Variants in LRRC9 observed in about 807,000 individuals in gnomAD.
LRRC9 encodes leucine-rich repeat-containing protein 9.
In LRRC9, 122 loss-of-function variants were observed where a neutral mutation model predicts 63.2. That is an observed-to-expected ratio of 1.93 (90% CI 1.67 to 2.24). The LOEUF (loss-of-function observed/expected upper bound fraction) is 2.24. LRRC9 is among the 30% of genes most tolerant of loss of function. LRRC9 has a pLI of 0.00. For synonymous variants in LRRC9, 366 were observed against 213.1 expected, an observed-to-expected ratio of 1.72 and a Z score of -6.25; for missense variants, 1,071 against 627.7, an observed-to-expected ratio of 1.71 and a Z score of -7.55.
At chr14:59,998,524 G>A (rs1889032480) in intron 18 of LRRC9, among the ~76,000 whole-genome samples, 1 of 151,930 alleles carries the variant, frequency 6.6e-6, no homozygotes, top group South Asian at 2.1e-4. Context: ...ATAAAGTCAA[G>A]AATCTTCCTT....
chr14:60,065,649 A>AAAAAAC (rs1441366986), downstream of LRRC9, among the ~76,000 whole-genome samples: 1 of 3,324 alleles, frequency 3.0e-4, no homozygotes, highest in Non-Finnish European at 5.9e-4. Flanking sequence ...CTCCCTCTCA[A>AAAAAAC]AAAAAAAAAA....
At chr14:59,931,299 G>A (rs1594808757) in intron 4 of LRRC9, among the ~76,000 whole-genome samples, 1 of 152,056 alleles carries the variant, frequency 6.6e-6, no homozygotes, top group African/African-American at 2.4e-5. Context: ...TTCTTTGAAG[G>A]TTTAAAAATA....
rs1482712721 is a variant in LRRC9 at position 60,003,049 on chromosome 14, A to C, written c.2665-572A>C. 6.6e-6 allele frequency among the ~76,000 whole-genome samples: 1 copy of C among 152,236 alleles called. No homozygotes were observed. Among genetic ancestry groups the C allele is most frequent in the Admixed American group, 6.5e-5 (1 of 15,290 alleles). On this transcript the variant is annotated intron_variant, in intron 20 of 31. Transcript: ENST00000445360. The surrounding 1 kb of genome is among the most constrained non-coding windows in gnomAD (Gnocchi z 4.2). ...CTTGCCAAACATAGAAACTGGGCTA[A>C]GTGAAGCTGCTCCCAGAAAATGGGA...
Position 59,923,687 on chromosome 14 carries a change from T to C in LRRC9, c.-34+3804T>C, listed in dbSNP as rs575847636. 2.6e-5 allele frequency among the ~76,000 whole-genome samples: 4 copies of C among 152,354 alleles called. No homozygotes were observed. The highest frequency in any genetic ancestry group is 9.6e-5 in the African/African-American group (4 of 41,576). On this transcript the variant is annotated intron_variant, in intron 1 of 31. Transcript: ENST00000445360. The surrounding 1 kb of genome is among the most constrained non-coding windows in gnomAD (Gnocchi z 4.2). ...TGGCTCACGCCTGTAGGCTCACGCC[T>C]CCCAGCACTCTGGGAAGCTGAGGTG...
At chr14:60,013,191 G>C (rs1391883847) in intron 23 of LRRC9, among the ~76,000 whole-genome samples, 2 of 146,664 alleles carry the variant, frequency 1.4e-5, no homozygotes, top group Non-Finnish European at 3.0e-5. Context: ...GAACTAGTAA[G>C]ATAGATATAC....
At position 60,006,264 on chromosome 14, in the gene LRRC9, GGTTA is replaced by G. The variant is rs1284848482; in HGVS notation, c.2843-130_2843-127del. The G allele has an allele frequency of 9.1e-6, 5 of 547,508 alleles. No homozygotes were observed. In the East Asian group the frequency reaches 1.5e-4, roughly 16 times the overall value. The allele number at this position is 547,508 out of a possible 1,614,324, so 33.9% of individuals were successfully genotyped here. ...CAAAACAAAGGCTTAAAGCAATGAT[GGTTA>G]GTATTACAGAATCTTTAAAGCCATT... On this transcript the variant is annotated intron_variant, in intron 21 of 31. Coordinates refer to ENST00000445360, the Ensembl canonical transcript of LRRC9.
At chr14:60,050,148 C>T (rs1303554257) in intron 29 of LRRC9, among the ~76,000 whole-genome samples, 1 of 152,042 alleles carries the variant, frequency 6.6e-6, no homozygotes, top group Non-Finnish European at 1.5e-5. Context: ...AGGCACACAC[C>T]ACCACGCCCA....
chr14:60,016,573 T>G, intron 23 of LRRC9, 87 bp from the exon 24 acceptor site: 1 of 583,378 alleles, frequency 1.7e-6, no homozygotes, highest in Non-Finnish European at 3.1e-6. Context: ...GAAAAATGAG[T>G]CCACTGAATT....
exon 8 of LRRC9, chr14:59,944,614 A>G (rs569858296): frequency 6.8e-5 from 43 of 628,022 alleles, no homozygotes; most frequent in African/African-American, 5.8e-4. Context: ...AAAATAATGT[A>G]TTATAATATG....
At chr14:60,013,195 G>C (rs1427633699) in intron 23 of LRRC9, among the ~76,000 whole-genome samples, 2 of 147,276 alleles carry the variant, frequency 1.4e-5, no homozygotes, top group East Asian at 4.0e-4. Context: ...TAGTAAGATA[G>C]ATATACATAT....
At position 59,927,915 on chromosome 14, in the gene LRRC9, A is replaced by G. The variant is rs1474587246; in HGVS notation, c.-29A>G. 1.5e-6 allele frequency: 1 copy of G among 655,596 alleles called. No individual in the cohort carries two copies. The highest frequency in any genetic ancestry group is 2.7e-6 in the Non-Finnish European group (1 of 368,810). 40.6% of individuals were successfully genotyped at this position (655,596 alleles called of 1,614,324 possible). On this transcript the variant is annotated 5_prime_UTR_variant, in exon 2 of 32. The change creates a new upstream start codon in the 5' untranslated region. Transcript: ENST00000445360. This position sits in a 1 kb window ranked among gnomAD's most constrained non-coding sequence, Gnocchi z 4.4. ...TTTTTTCATTTTCCTTAAAAGTTAT[A>G]ATATTATGATCACTGTTTTTAATGG... is the stretch of plus-strand genomic sequence containing the variant.
chr14:59,977,183 G>C lies in LRRC9; in HGVS notation c.1640-42G>C, dbSNP rs983342261. ...AAGGTTATGTTGGAAAATTATTAAAGTTAATTATTCTTAAGAATTACTTCT... is the reference window on the plus strand; with the variant it reads ...AAGGTTATGTTGGAAAATTATTAAACTTAATTATTCTTAAGAATTACTTCT... On this transcript the variant is annotated intron_variant, in intron 13 of 31. Coordinates refer to ENST00000445360, the Ensembl canonical transcript of LRRC9. 2.9e-5 allele frequency: 19 copies of C among 646,264 alleles called. No homozygotes were observed. The African/African-American group carries it at 3.1e-4, about 11-fold the overall frequency. 40.0% of individuals were successfully genotyped at this position (646,264 alleles called of 1,614,324 possible). A position where few individuals can be genotyped will look rare whatever the true frequency, so the allele number is the denominator to read the frequency against.
intron 28 of LRRC9, among the ~76,000 whole-genome samples, chr14:60,029,495 C>T (rs912797876): frequency 6.6e-6 from 1 of 152,098 alleles, no homozygotes; most frequent in African/African-American, 2.4e-5. Flanking sequence ...TTATTTATTA[C>T]AGGCAGTCCT....
In LRRC9 at chr14:59,962,164, T is replaced by C. The variant is rs2139977201; in HGVS notation, c.1211+1119T>C. ...TCTTGGGAGAACTCTGATGGAAAAG[T>C]GTAAGAAGCTCTTCGCAAGGGAAAA... On this transcript the variant is annotated intron_variant, in intron 10 of 31. Transcript: ENST00000445360. This position sits in a 1 kb window ranked among gnomAD's most constrained non-coding sequence, Gnocchi z 5.1. Among the ~76,000 whole-genome samples the C allele has an allele frequency of 6.6e-6, 1 of 152,280 alleles. No homozygotes were observed. Among genetic ancestry groups the C allele is most frequent in the East Asian group, 1.9e-4 (1 of 5,178 alleles).
intron 17 of LRRC9, among the ~76,000 whole-genome samples, chr14:59,993,290 CT>C (rs1210957199): frequency 2.0e-5 from 3 of 152,122 alleles, no homozygotes; most frequent in Non-Finnish European, 4.4e-5. Context: ...CAGGCCTGCC[CT>C]ACAAGAGCTC....
rs555564104 is a variant in LRRC9 at position 60,027,022 on chromosome 14, G to T, written c.3704-862G>T. Among the ~76,000 whole-genome samples, 1 of 151,872 alleles carries T rather than the reference G, an allele frequency of 6.6e-6. No homozygotes were observed. Among genetic ancestry groups the T allele is most frequent in the Non-Finnish European group, 1.5e-5 (1 of 67,940 alleles). The stretch of plus-strand genomic sequence containing the variant: ...AGGATTTTCACATATGAATTGGAGG[G>T]GGACACAATTCAGCACATAATAATC... On this transcript the variant is annotated intron_variant, in intron 27 of 31. Transcript: ENST00000445360. The surrounding 1 kb of genome is among the most constrained non-coding windows in gnomAD (Gnocchi z 4.0).
At chr14:60,022,851 A>T (rs1891217949) in exon 27 of LRRC9, 1 of 675,724 alleles carries the variant, frequency 1.5e-6, no homozygotes, top group Admixed American at 2.1e-5. Context: ...TAAGAAATTT[A>T]AAATTCCTCT....
intron 7 of LRRC9, among the ~76,000 whole-genome samples, chr14:59,941,595 A>G (rs551308189): frequency 4.7e-4 from 71 of 152,186 alleles, no homozygotes; most frequent in Middle Eastern, 6.8e-3. Flanking sequence ...TTCAAATTTA[A>G]TTTGGCATCT....
chr14:59,991,935 G>T (rs1888179738), intron 17 of LRRC9, among the ~76,000 whole-genome samples: 1 of 152,164 alleles, frequency 6.6e-6, no homozygotes, highest in Admixed American at 6.5e-5. Flanking sequence ...AGACGTAAAT[G>T]TCCCTGTCTG....
Sources: allele counts gnomAD v4.1 joint callset (sites outside exome capture counted in the v4.1 genomes callset), GRCh38; gene constraint gnomAD v4.1.1; non-coding constraint Gnocchi (gnomAD v3.1); transcripts MANE v1.5; gene names NCBI Gene and HGNC (gene_info 2026-07-23, HGNC 2026-07-21).